WFDC12: variants seen among roughly 807,000 people sequenced by gnomAD.
WFDC12 encodes the protein WAP four-disulfide core domain protein 12.
A neutral mutation model predicts 7.3 loss-of-function variants in WFDC12; 4 were observed. The ratio of observed to expected loss-of-function variants is 0.55; its 90% CI spans 0.27 to 1.25. The LOEUF (loss-of-function observed/expected upper bound fraction) is 1.25. WFDC12 is among the 50% of genes most tolerant of loss of function. WFDC12 has a pLI of 0.12. For missense variants in WFDC12, 156 were observed against 134.4 expected, an observed-to-expected ratio of 1.16 and a Z score of -0.80; for synonymous variants, 48 against 49.5, an observed-to-expected ratio of 0.97 and a Z score of 0.13.
In WFDC12 at chr20:45,124,413, G is replaced by T. The variant is rs780420680; in HGVS notation, c.35C>A (p.Ser12Tyr). 6.2e-6 allele frequency: 10 copies of T among 1,614,090 alleles called. No homozygotes were observed. In the Admixed American group the frequency reaches 1.5e-4, roughly 24 times the overall value. Residue 12 changes from serine (S) to tyrosine (Y), a missense_variant, in exon 1 of 3, where the codon TCT becomes TAT. Ser to Tyr is a moderately radical substitution (Grantham distance 144). Transcript: ENST00000372785. ...AGCCACCAGGGTCACAAGAACGAGA[G>T]ACACCATGAGGACCAAGAAGCTGCT... ...GSSSFLVLMV[S>Y]LVLVTLVAVE... is the part of the protein sequence containing the mutation.
chr20:45,124,189 G>T lies in WFDC12; in HGVS notation c.156C>A (p.Asp52Glu). 1 of 1,614,178 alleles carries T rather than the reference G, an allele frequency of 6.2e-7. No individual in the cohort carries two copies. The highest frequency in any genetic ancestry group is 8.5e-7 in the Non-Finnish European group (1 of 1,180,042). Reference sequence around the variant, plus strand: ...ACTTCCTTTCCCCCAGACAGTCCTGGTCTGTGTGACACTGGGGAGGATCGG... The same window carrying T: ...ACTTCCTTTCCCCCAGACAGTCCTGTTCTGTGTGACACTGGGGAGGATCGG... ...FKSDPPQCHTDQDCLGERKCC... is the reference protein window; with the variant it reads ...FKSDPPQCHTEQDCLGERKCC... The change falls in exon 2 of 3, where the codon GAC (aspartate) becomes GAA (glutamate). Residue 52 changes from aspartate (D) to glutamate (E), a missense_variant. By Grantham distance (45) the Asp-to-Glu change is conservative. Coordinates refer to ENST00000372785, the MANE Select transcript of WFDC12 (RefSeq NM_080869.2).
chr20:45,124,294 A>C, intron 1 of WFDC12, 29 bp from the exon 2 acceptor site: 2 of 1,614,070 alleles, frequency 1.2e-6, no homozygotes, highest in Non-Finnish European at 1.7e-6. Flanking sequence ...AGGTGATATG[A>C]GAACTCCAGC....
rs145683027 is a variant in WFDC12 at position 45,124,107 on chromosome 20, C to A, written c.238G>T (p.Gly80Ter). ...CVIPVKELEE[G>*]GNKDEDVSRP... ...AGCCCTGGGAGGCAGGTCTCCTTAC[C>A]TTCTTCCAGTTCCTTCACAGGAATC... The change falls in exon 2 of 3, where the codon GGA becomes TGA. Residue 80 changes from glycine (G) to a stop codon, truncating the protein, a stop_gained and splice_region_variant. Coordinates refer to ENST00000372785, the MANE Select transcript of WFDC12 (RefSeq NM_080869.2). LOFTEE classifies it low-confidence loss of function (END_TRUNC). The A allele has an allele frequency of 3.7e-6, 6 of 1,613,940 alleles. No homozygotes were observed. The highest frequency in any genetic ancestry group is 5.1e-6 in the Non-Finnish European group (6 of 1,179,968).
rs1981920246 is a variant in WFDC12, at chr20:45,123,707, C to T, written c.*139G>A. On this transcript the variant is annotated 3_prime_UTR_variant, in exon 3 of 3. Transcript: ENST00000372785. ...GGTCTGGACTTTTTGTGACTCTTCC[C>T]TCTTTTTGGGGAAAAGGACTTCAAG... is the stretch of plus-strand genomic sequence containing the variant. 1.7e-5 allele frequency: 15 copies of T among 905,876 alleles called. No homozygotes were observed. The South Asian group carries it at 2.2e-4, about 13-fold the overall frequency. The allele number at this position is 905,876 out of a possible 1,614,324, so 56.1% of individuals were successfully genotyped here.
Position 45,124,216 on chromosome 20 carries a change from C to T in WFDC12, c.129G>A (p.Lys43=). 1 of 1,614,190 alleles carries T rather than the reference C, an allele frequency of 6.2e-7. No homozygotes were observed. The highest frequency in any genetic ancestry group is 8.5e-7 in the Non-Finnish European group (1 of 1,180,032). ...CTGTGTGACACTGGGGAGGATCGGA[C>T]TTGAAGCAGCGTACGTTGTCAGCTG... ...VCPADNVRCF[K]SDPPQCHTDQ... is the part of the protein sequence containing the mutation. Residue 43 remains lysine (K), a synonymous_variant, in exon 2 of 3, where the codon AAG becomes AAA. Coordinates refer to ENST00000372785, the MANE Select transcript of WFDC12 (RefSeq NM_080869.2).
At position 45,123,777 on chromosome 20, in the gene WFDC12, C is replaced by G. The variant is rs1266204251; in HGVS notation, c.*69G>C. The G allele has an allele frequency of 6.6e-7, 1 of 1,509,016 alleles. No homozygotes were observed. Among genetic ancestry groups the G allele is most frequent in the East Asian group, 2.3e-5 (1 of 44,352 alleles). The allele number at this position is 1,509,016 out of a possible 1,614,324, so 93.5% of individuals were successfully genotyped here. A position where few individuals can be genotyped will look rare whatever the true frequency, so the allele number is the denominator to read the frequency against. On this transcript the variant is annotated 3_prime_UTR_variant, in exon 3 of 3. Transcript: ENST00000372785. The stretch of plus-strand genomic sequence containing the variant: ...GGTTGGGTATTGCTTCTTCCATATT[C>G]CAAGTCTCAGGACCCTCAGGGGCAG...
chr20:45,123,857 G>A lies in WFDC12; in HGVS notation c.325C>T (p.Pro109Ser), dbSNP rs745628368. The change falls in exon 3 of 3, where the codon CCT becomes TCT. Residue 109 changes from proline to serine, a missense_variant. Transcript: ENST00000372785. ...GAAAGGACCCAGCATCATTTCTGAG[G>A]ACACCTGGTAGAGGAGGAGCCTGGA... Reference protein sequence around the residue: ...KCPGSSSTRCPQK With the variant: ...KCPGSSSTRCSQK 5 of 1,612,954 alleles carry A rather than the reference G, an allele frequency of 3.1e-6. No individual in the cohort carries two copies. The highest frequency in any genetic ancestry group is 2.2e-5 in the East Asian group (1 of 44,890).
chr20:45,123,959 A>T lies in WFDC12; in HGVS notation c.239-16T>A. 2 of 1,604,056 alleles carry T rather than the reference A, an allele frequency of 1.2e-6. No individual in the cohort carries two copies. The highest frequency in any genetic ancestry group is 1.7e-6 in the Non-Finnish European group (2 of 1,174,748). On this transcript the variant is annotated splice_polypyrimidine_tract_variant and intron_variant, in intron 2 of 2. Transcript: ENST00000372785. ...TTGTTTCCTCCTTTGGACAATGGAG[A>T]TGTTCAGACTAGGTGGTCTCTGAGG...
At chr20:45,124,058 T>C in intron 2 of WFDC12, 49 bp downstream of exon 2, 1 of 1,612,448 alleles carries the variant, frequency 6.2e-7, no homozygotes, top group Non-Finnish European at 8.5e-7. Context: ...ATGGGTCAGA[T>C]AGAGGCAGGG....
chr20:45,123,853 T>C lies in WFDC12; in HGVS notation c.329A>G (p.Gln110Arg), dbSNP rs187758981. 3.7e-5 allele frequency: 60 copies of C among 1,612,928 alleles called. No homozygotes were observed. Among genetic ancestry groups the C allele is most frequent in the Non-Finnish European group, 2.0e-5 (24 of 1,180,030 alleles). ...CPGSSSTRCP[Q>R]K Reference sequence around the variant, plus strand: ...GGTAGAAAGGACCCAGCATCATTTCTGAGGACACCTGGTAGAGGAGGAGCC... The same window carrying C: ...GGTAGAAAGGACCCAGCATCATTTCCGAGGACACCTGGTAGAGGAGGAGCC... Residue 110 changes from glutamine to arginine, a missense_variant, in exon 3 of 3, where the codon CAG becomes CGG. Gln to Arg is a conservative substitution (Grantham distance 43). Coordinates refer to ENST00000372785, the MANE Select transcript of WFDC12 (RefSeq NM_080869.2).
Position 45,124,124 on chromosome 20 carries a change from A to G in WFDC12, c.221T>C (p.Val74Ala), listed in dbSNP as rs753470874. The change falls in exon 2 of 3, where the codon GTG becomes GCG. Residue 74 changes from valine to alanine, a missense_variant. By Grantham distance (64) the Val-to-Ala change is moderately conservative. Coordinates refer to ENST00000372785, the MANE Select transcript of WFDC12 (RefSeq NM_080869.2). ...LHCGFKCVIPVKELEEGGNKD... is the reference protein window; with the variant it reads ...LHCGFKCVIPAKELEEGGNKD... ...CTCCTTACCTTCTTCCAGTTCCTTC[A>G]CAGGAATCACACACTTGAAGCCACA... 6.2e-7 allele frequency: 1 copy of G among 1,614,130 alleles called. No homozygotes were observed. The highest frequency in any genetic ancestry group is 8.5e-7 in the Non-Finnish European group (1 of 1,180,002).
At position 45,124,283 on chromosome 20, in the gene WFDC12, A is replaced by G. The variant is rs1456313221; in HGVS notation, c.80-18T>C. 6.2e-7 allele frequency: 1 copy of G among 1,614,072 alleles called. No individual in the cohort carries two copies. The highest frequency in any genetic ancestry group is 1.7e-5 in the Admixed American group (1 of 60,014). On this transcript the variant is annotated intron_variant, in intron 1 of 2. Coordinates refer to ENST00000372785, the MANE Select transcript of WFDC12 (RefSeq NM_080869.2). The stretch of plus-strand genomic sequence containing the variant: ...CTCTATACCTAGTGGAGGAAGCCAC[A>G]AGGTGATATGAGAACTCCAGCCCCA...
Position 45,123,701 on chromosome 20 carries a change from T to C in WFDC12, c.*145A>G. 1.2e-6 allele frequency: 1 copy of C among 857,766 alleles called. No individual in the cohort carries two copies. The highest frequency in any genetic ancestry group is 2.4e-5 in the East Asian group (1 of 41,444). The allele number at this position is 857,766 out of a possible 1,614,324, so 53.1% of individuals were successfully genotyped here. On this transcript the variant is annotated 3_prime_UTR_variant, in exon 3 of 3. Transcript: ENST00000372785. ...CCCTGGGGTCTGGACTTTTTGTGAC[T>C]CTTCCCTCTTTTTGGGGAAAAGGAC...
rs754042525 is a variant in WFDC12 at position 45,124,403 on chromosome 20, A to C, written c.45T>G (p.Leu15=). 1.2e-6 allele frequency: 2 copies of C among 1,614,226 alleles called. No individual in the cohort carries two copies. Among genetic ancestry groups the C allele is most frequent in the Non-Finnish European group, 1.7e-6 (2 of 1,180,036 alleles). ...SFLVLMVSLV[L]VTLVAVEGVK... The stretch of plus-strand genomic sequence containing the variant: ...CTCCTTCCACAGCCACCAGGGTCAC[A>C]AGAACGAGAGACACCATGAGGACCA... The change falls in exon 1 of 3, where the codon CTT becomes CTG. Residue 15 remains leucine, a synonymous_variant. Transcript: ENST00000372785.
rs959163488 is a variant in WFDC12, at chr20:45,124,045, T to A, written c.238+62A>T. On this transcript the variant is annotated intron_variant, in intron 2 of 2. Coordinates refer to ENST00000372785, the MANE Select transcript of WFDC12 (RefSeq NM_080869.2). ...CTAAAGGGACTAATTCCTCCGAACT[T>A]TCATGGGTCAGATAGAGGCAGGGAA... 2.2e-5 allele frequency: 35 copies of A among 1,610,864 alleles called. No individual in the cohort carries two copies. The East Asian group carries it at 7.6e-4, about 35-fold the overall frequency.
chr20:45,124,389 GC>G lies in WFDC12; in HGVS notation c.58del (p.Ala20LeufsTer9). 1 of 1,614,194 alleles carries G rather than the reference GC, an allele frequency of 6.2e-7. No individual in the cohort carries two copies. Among genetic ancestry groups the G allele is most frequent in the South Asian group, 1.1e-5 (1 of 91,084 alleles). On this transcript the variant is annotated frameshift_variant, in exon 1 of 3. Transcript: ENST00000372785. LOFTEE classifies it high-confidence loss of function. ...MVSLVLVTLV[A>X]VEGVKEGIEK... is the part of the protein sequence containing the mutation. ...CTCACCCTCTTTAACTCCTTCCACAGCCACCAGGGTCACAAGAACGAGAGAC... is the reference window on the plus strand; with the variant it reads ...CTCACCCTCTTTAACTCCTTCCACAGCACCAGGGTCACAAGAACGAGAGAC...
chr20:45,123,718 G>T lies in WFDC12; in HGVS notation c.*128C>A. Reference sequence around the variant, plus strand: ...TTTGTGACTCTTCCCTCTTTTTGGGGAAAAGGACTTCAAGCTCAGGTTTTC... The same window carrying T: ...TTTGTGACTCTTCCCTCTTTTTGGGTAAAAGGACTTCAAGCTCAGGTTTTC... On this transcript the variant is annotated 3_prime_UTR_variant, in exon 3 of 3. Transcript: ENST00000372785. 2.0e-6 allele frequency: 2 copies of T among 992,134 alleles called. No homozygotes were observed. The highest frequency in any genetic ancestry group is 3.1e-6 in the Non-Finnish European group (2 of 653,098). 61.5% of individuals were successfully genotyped at this position (992,134 alleles called of 1,614,324 possible).
chr20:45,124,250 C>T lies in WFDC12; in HGVS notation c.95G>A (p.Gly32Glu), dbSNP rs142894922. 58 of 1,614,168 alleles carry T rather than the reference C, an allele frequency of 3.6e-5. No homozygotes were observed. The African/African-American group carries it at 7.1e-4, about 20-fold the overall frequency. The change falls in exon 2 of 3, where the codon GGG becomes GAG. Residue 32 changes from glycine (G) to glutamate (E), a missense_variant. Transcript: ENST00000372785. ...EGVKEGIEKA[G>E]VCPADNVRCF... ...GCGTACGTTGTCAGCTGGGCAAACC[C>T]CTGCTTTCTCTATACCTAGTGGAGG... is the stretch of plus-strand genomic sequence containing the variant.
rs1228939114 is a variant in WFDC12 at position 45,124,111 on chromosome 20, T to G, written c.234A>C (p.Glu78Asp). The part of the protein sequence containing the change: ...FKCVIPVKEL[E>D]EGGNKDEDVS... ...CTGGGAGGCAGGTCTCCTTACCTTCTTCCAGTTCCTTCACAGGAATCACAC... is the reference window on the plus strand; with the variant it reads ...CTGGGAGGCAGGTCTCCTTACCTTCGTCCAGTTCCTTCACAGGAATCACAC... Residue 78 changes from glutamate (E) to aspartate (D), a missense_variant, in exon 2 of 3, where the codon GAA becomes GAC. Coordinates refer to ENST00000372785, the MANE Select transcript of WFDC12 (RefSeq NM_080869.2). 1 of 1,614,004 alleles carries G rather than the reference T, an allele frequency of 6.2e-7. No homozygotes were observed. Among genetic ancestry groups the G allele is most frequent in the African/African-American group, 1.3e-5 (1 of 74,926 alleles).
Sources: allele counts gnomAD v4.1 joint callset, GRCh38; gene constraint gnomAD v4.1.1; transcripts MANE v1.5; gene names NCBI Gene and HGNC (gene_info 2026-07-23, HGNC 2026-07-21).